REN: variants seen among roughly 807,000 people sequenced by gnomAD.
REN encodes angiotensin-forming enzyme.
Under a neutral mutation model 48.6 loss-of-function variants are expected in REN, and 42 were observed. That is an observed-to-expected ratio of 0.86 (90% CI 0.68 to 1.12). The LOEUF is 1.12. Among genes scored for constraint, REN ranks in the 50% most tolerant of loss-of-function variants. The pLI, the probability that REN is intolerant of heterozygous loss-of-function variation, is 0.00. For missense variants in REN, 443 were observed against 527.3 expected (o/e 0.84, Z 1.57); for synonymous variants, 196 against 204.6 (o/e 0.96, Z 0.36).
At chr1:204,165,602 T>C (rs1658329763) in intron 1 of REN, among the ~76,000 whole-genome samples, 1 of 151,968 alleles carries the variant, frequency 6.6e-6, no homozygotes, top group Admixed American at 6.5e-5. Flanking sequence ...CCCCGTCTTT[T>C]TTTTTTTTGA....
chr1:204,156,145 C>T lies in REN; in HGVS notation c.960+33G>A. 6.2e-7 allele frequency: 1 copy of T among 1,614,038 alleles called. No homozygotes were observed. The highest frequency in any genetic ancestry group is 1.3e-5 in the African/African-American group (1 of 75,048). On this transcript the variant is annotated intron_variant, in intron 8 of 9. Transcript: ENST00000272190. The surrounding 1 kb of genome is among the most constrained non-coding windows in gnomAD (Gnocchi z 4.2). ...AGCCGATACCAGGTGGCGCTCCCCCCACCCACAGCACCTTCCCTCTTTGGC... is the reference window on the plus strand; with the variant it reads ...AGCCGATACCAGGTGGCGCTCCCCCTACCCACAGCACCTTCCCTCTTTGGC...
intron 1 of REN, among the ~76,000 whole-genome samples, chr1:204,165,780 T>G (rs760788468): frequency 6.6e-6 from 1 of 152,018 alleles, no homozygotes; most frequent in Non-Finnish European, 1.5e-5. Context: ...TTAGTAGAGA[T>G]GGGGTTTCCC....
intron 2 of REN, 36 bp from the exon 3 acceptor site, chr1:204,161,451 G>A: frequency 1.4e-6 from 2 of 1,453,486 alleles, no homozygotes; most frequent in Non-Finnish European, 1.8e-6. Flanking sequence ...GAGGGGCTCA[G>A]GGGACCTTGG....
intron 1 of REN, among the ~76,000 whole-genome samples, chr1:204,162,485 C>G (rs568456637): frequency 3.6e-4 from 55 of 152,348 alleles, no homozygotes; most frequent in Non-Finnish European, 6.5e-4. Flanking sequence ...TGAACAACTA[C>G]TTTGTGCCTC....
intron 1 of REN, among the ~76,000 whole-genome samples, chr1:204,163,755 G>A (rs561963420): frequency 3.9e-5 from 6 of 152,286 alleles, no homozygotes; most frequent in East Asian, 1.9e-4. Context: ...AACTGGTGCC[G>A]TACGGTGGTG....
chr1:204,156,739 G>A lies in REN; in HGVS notation c.756C>T (p.Tyr252=), dbSNP rs768190064. 1.4e-5 allele frequency: 23 copies of A among 1,613,882 alleles called. No homozygotes were observed. Among genetic ancestry groups the A allele is most frequent in the African/African-American group, 5.3e-5 (4 of 74,876 alleles). ...GGTTGATATAGTGGAAATTCCCTTC[G>A]TAATGCTGGGGGTCGCTGCCTCCCA... The part of the protein sequence containing the change: ...IVLGGSDPQH[Y]EGNFHYINLI... The change falls in exon 7 of 10, where the codon TAC becomes TAT. Residue 252 remains tyrosine, a synonymous_variant. Transcript: ENST00000272190. This position sits in a 1 kb window ranked among gnomAD's most constrained non-coding sequence, Gnocchi z 4.2.
intron 1 of REN, among the ~76,000 whole-genome samples, chr1:204,162,401 C>T (rs1658264878): frequency 6.6e-6 from 1 of 152,208 alleles, no homozygotes; most frequent in African/African-American, 2.4e-5. Flanking sequence ...TGACTTCCTT[C>T]TGTTGCCTAA....
Position 204,155,895 on chromosome 1 carries a change from GCCC to G in REN, c.981_983del (p.Glu327_Gly328delinsAsp), listed in dbSNP as rs1446110030. Reference sequence around the variant, plus strand: ...GGAAAGAGATGTCGGGGAGTGTAGGGCCCTCGTTACACTTCACGACATACTGGG... The same window carrying G: ...GGAAAGAGATGTCGGGGAGTGTAGGGTCGTTACACTTCACGACATACTGGG... On this transcript the variant is annotated inframe_deletion, in exon 9 of 10. Coordinates refer to ENST00000272190, the MANE Select transcript of REN (RefSeq NM_000537.4). 6.2e-7 allele frequency: 1 copy of G among 1,613,938 alleles called. No individual in the cohort carries two copies. Among genetic ancestry groups the G allele is most frequent in the East Asian group, 2.2e-5 (1 of 44,876 alleles).
chr1:204,157,529 T>C (rs984519723), intron 5 of REN, among the ~76,000 whole-genome samples, 160 bp from the exon 6 acceptor site: 2 of 152,056 alleles, frequency 1.3e-5, no homozygotes, highest in African/African-American at 4.8e-5. Flanking sequence ...AGTCCATGAG[T>C]GAACAAGTGG....
chr1:204,155,135 C>T lies in REN; in HGVS notation c.1102G>A (p.Ala368Thr), dbSNP rs760985112. ...SKKLCTLAIH[A>T]MDIPPPTGPT... ...CCAGTGGGTGGCGGGATATCCATGG[C>T]GTGGATGGCCAGTGTGCACAGCTTT... Residue 368 changes from alanine to threonine, a missense_variant, in exon 10 of 10, where the codon GCC (alanine) becomes ACC (threonine). Ala to Thr is a moderately conservative substitution (Grantham distance 58, BLOSUM62 0). Transcript: ENST00000272190. The T allele has an allele frequency of 3.2e-5, 51 of 1,614,122 alleles. 1 individual carries two copies. The highest frequency in any genetic ancestry group is 4.0e-5 in the Non-Finnish European group (47 of 1,180,040).
intron 1 of REN, among the ~76,000 whole-genome samples, chr1:204,164,490 T>C (rs777447800): frequency 6.6e-6 from 1 of 151,918 alleles, no homozygotes; most frequent in African/African-American, 2.4e-5. Context: ...GCTGGTCATA[T>C]CTGCTGTCCC....
At chr1:204,157,410 A>G in intron 5 of REN, 41 bp from the exon 6 acceptor site, 1 of 1,614,168 alleles carries the variant, frequency 6.2e-7, no homozygotes, top group African/African-American at 1.3e-5. Context: ...GCTTCATTTC[A>G]TGCCAGCCTC....
At chr1:204,158,183 C>T (rs1057470274) in intron 5 of REN, among the ~76,000 whole-genome samples, 10 of 151,322 alleles carry the variant, frequency 6.6e-5, no homozygotes, top group African/African-American at 2.2e-4. Context: ...CTGACACCCA[C>T]GTCGTCCACC....
At chr1:204,155,720 C>A (rs1272199949) in intron 9 of REN, 100 bp downstream of exon 9, 4 of 966,534 alleles carry the variant, frequency 4.1e-6, no homozygotes, top group Non-Finnish European at 6.5e-6. Flanking sequence ...AGTTTGAGAA[C>A]TACAGTTCTA....
Position 204,159,595 on chromosome 1 carries a change from C to G in REN, c.493G>C (p.Val165Leu). ...ATCTGTGTCACCGTGATTCCACCCA[C>G]CTGTGGGAGGAAGGACCAGAGGAGA... Reference protein sequence around the residue: ...SGFLSQDIITVGGITVTQMFG... With the variant: ...SGFLSQDIITLGGITVTQMFG... The change falls in exon 5 of 10, where the codon GTG (valine) becomes CTG (leucine). Residue 165 changes from valine to leucine, a missense_variant and splice_region_variant. Physicochemically the swap from Val to Leu is conservative, Grantham distance 32. Coordinates refer to ENST00000272190, the MANE Select transcript of REN (RefSeq NM_000537.4). The G allele has an allele frequency of 6.2e-7, 1 of 1,614,172 alleles. No individual in the cohort carries two copies. Among genetic ancestry groups the G allele is most frequent in the Non-Finnish European group, 8.5e-7 (1 of 1,180,010 alleles).
chr1:204,165,242 A>G (rs889661296), intron 1 of REN, among the ~76,000 whole-genome samples: 9 of 152,146 alleles, frequency 5.9e-5, no homozygotes, highest in Non-Finnish European at 1.3e-4. Context: ...AAGTGTTGGG[A>G]TTATAGGCGT....
intron 6 of REN, among the ~76,000 whole-genome samples, chr1:204,157,095 G>T (rs1019614990): frequency 6.6e-6 from 1 of 152,212 alleles, no homozygotes; most frequent in Non-Finnish European, 1.5e-5. Flanking sequence ...ACAGTGAGTG[G>T]ATGTGAACAA....
At chr1:204,162,531 C>A (rs1241844830) in intron 1 of REN, among the ~76,000 whole-genome samples, 2 of 152,224 alleles carry the variant, frequency 1.3e-5, no homozygotes, top group African/African-American at 4.8e-5. Flanking sequence ...AGATAATGAT[C>A]ATGACTGCCT....
intron 1 of REN, 67 bp from the exon 2 acceptor site, chr1:204,162,230 G>C (rs191754047): frequency 1.3e-6 from 2 of 1,571,772 alleles, no homozygotes; most frequent in Admixed American, 3.5e-5. Context: ...TGGAGTCCCT[G>C]AGGCCAAACC....
Sources: allele counts gnomAD v4.1 joint callset (sites outside exome capture counted in the v4.1 genomes callset), GRCh38; gene constraint gnomAD v4.1.1; non-coding constraint Gnocchi (gnomAD v3.1); transcripts MANE v1.5; gene names NCBI Gene and HGNC (gene_info 2026-07-23, HGNC 2026-07-21).